Variants in FAM184A observed in about 807,000 individuals in gnomAD.
FAM184A encodes protein FAM184A.
In FAM184A, 99 loss-of-function variants were observed where a neutral mutation model predicts 143.8. That is an observed-to-expected ratio of 0.69 (90% confidence interval 0.58 to 0.81). The LOEUF is 0.81. Among genes scored for constraint, FAM184A ranks in the 40% least tolerant of loss-of-function variants. FAM184A has a pLI of 0.00. For missense variants in FAM184A, 1,217 were observed against 1,310.5 expected (o/e 0.93, Z 1.10); for synonymous variants, 427 against 446.4 (o/e 0.96, Z 0.55).
chr6:119,011,866 A>T (rs899398613), intron 5 of FAM184A, among the ~76,000 whole-genome samples: 1 of 152,242 alleles, frequency 6.6e-6, no homozygotes, highest in Middle Eastern at 3.2e-3. Flanking sequence ...GGCAAATTAA[A>T]GAGCAAAACT....
intron 9 of FAM184A, among the ~76,000 whole-genome samples, chr6:118,987,102 G>C (rs1315101809): frequency 1.3e-5 from 2 of 152,180 alleles, no homozygotes; most frequent in Non-Finnish European, 2.9e-5. Context: ...AGGAGTATCA[G>C]AATTTCACAG....
rs375192950 is a variant in FAM184A, at chr6:119,096,492, C to T, written c.-202+52586G>A. Among the ~76,000 whole-genome samples, 833 of 84,782 alleles carry T rather than the reference C, an allele frequency of 9.8e-3. 288 individuals are homozygous for T. The East Asian group carries it at 0.12, about 12-fold the overall frequency. The allele number at this position is 84,782 out of a possible 152,430, so 55.6% of individuals were successfully genotyped here. A position where few individuals can be genotyped will look rare whatever the true frequency, so the allele number is the denominator to read the frequency against. Reference sequence around the variant, plus strand: ...TCTACTAAAAATACAAAAAATTAGCCGGGCGCGGTGGCGGGCGCCTGTAGT... The same window carrying T: ...TCTACTAAAAATACAAAAAATTAGCTGGGCGCGGTGGCGGGCGCCTGTAGT... On this transcript the variant is annotated intron_variant, in intron 1 of 16. Coordinates refer to the FAM184A transcript ENST00000352896.
At chr6:118,964,526 A>C (rs797017) in intron 16 of FAM184A, 141 bp downstream of exon 16, 4 of 456,616 alleles carry the variant, frequency 8.8e-6, no homozygotes, top group Non-Finnish European at 1.6e-5. Flanking sequence ...TAAATAATTC[A>C]TAAGTTTTAG....
chr6:119,087,165 A>T (rs1417097635), intron 1 of FAM184A, among the ~76,000 whole-genome samples: 1 of 152,232 alleles, frequency 6.6e-6, no homozygotes, highest in East Asian at 1.9e-4. Flanking sequence ...GTTAAGAATT[A>T]AAATTAGGAT....
intron 5 of FAM184A, 122 bp downstream of exon 5, chr6:119,016,625 A>C: frequency 5.3e-6 from 4 of 760,412 alleles, no homozygotes; most frequent in Non-Finnish European, 8.9e-6. Context: ...TGTAACACTC[A>C]CCGCGGGGGT....
At chr6:119,051,389 G>C (rs1338909239) in intron 1 of FAM184A, among the ~76,000 whole-genome samples, 6 of 152,148 alleles carry the variant, frequency 3.9e-5, no homozygotes, top group South Asian at 4.1e-4. Context: ...AGGCTGGAGA[G>C]GGTAGTGGGG....
chr6:118,967,017 T>G, intron 14 of FAM184A, 65 bp from the exon 15 acceptor site: 1 of 737,892 alleles, frequency 1.4e-6, no homozygotes, highest in Non-Finnish European at 2.2e-6. Context: ...AATACCTACA[T>G]TAAAAAAATT....
chr6:119,054,779 G>A (rs562403871), intron 1 of FAM184A, among the ~76,000 whole-genome samples: 1 of 152,240 alleles, frequency 6.6e-6, no homozygotes, highest in East Asian at 1.9e-4. Flanking sequence ...AAAGTAGGCA[G>A]AGAAATTCAC....
At position 119,078,292 on chromosome 6, in the gene FAM184A, G is replaced by T. The variant is rs2114801925; in HGVS notation, c.8C>A (p.Thr3Asn). Reference protein sequence around the residue: MATPGMSWQQHYY... With the variant: MANPGMSWQQHYY... The stretch of plus-strand genomic sequence containing the variant: ...GTGCTGCTGCCAGCTCATGCCCGGG[G>T]TCGCCATCTTCCCAACAGACCCCAG... Residue 3 changes from threonine to asparagine, a missense_variant, in exon 1 of 18, where the codon ACC (threonine) becomes AAC (asparagine). Coordinates refer to ENST00000338891, the MANE Select transcript of FAM184A (RefSeq NM_024581.6). The surrounding 1 kb of genome is among the most constrained non-coding windows in gnomAD (Gnocchi z 5.5). The T allele has an allele frequency of 6.7e-7, 1 of 1,494,826 alleles. No homozygotes were observed. The highest frequency in any genetic ancestry group is 2.7e-5 in the East Asian group (1 of 36,978). 92.6% of individuals were successfully genotyped at this position (1,494,826 alleles called of 1,614,324 possible). A position where few individuals can be genotyped will look rare whatever the true frequency, so the allele number is the denominator to read the frequency against.
At position 118,979,377 on chromosome 6, in the gene FAM184A, T is replaced by C. The variant is rs1178255958; in HGVS notation, c.2443A>G (p.Lys815Glu). The C allele has an allele frequency of 6.2e-7, 1 of 1,610,328 alleles. No homozygotes were observed. The highest frequency in any genetic ancestry group is 2.2e-5 in the East Asian group (1 of 44,826). The change falls in exon 11 of 18, where the codon AAG becomes GAG. Residue 815 changes from lysine (K) to glutamate (E), a missense_variant. Physicochemically the swap from Lys to Glu is moderately conservative, Grantham distance 56. Transcript: ENST00000338891. ...TLRFELEDEG[K>E]AMLASLRSEL... ...CTTTTCAAAATACCAAGCATAGCCT[T>C]TCCTTCATCTTCTAATTCAAACCGA... is the stretch of plus-strand genomic sequence containing the variant.
chr6:119,006,409 T>C, intron 7 of FAM184A, 38 bp downstream of exon 7: 1 of 1,592,208 alleles, frequency 6.3e-7, no homozygotes, highest in East Asian at 2.2e-5. Flanking sequence ...TATTTTTATT[T>C]TGCCGCTGTT....
intron 1 of FAM184A, among the ~76,000 whole-genome samples, chr6:119,059,475 G>A (rs1443311233): frequency 6.6e-6 from 1 of 152,030 alleles, no homozygotes; most frequent in Admixed American, 6.5e-5. Context: ...CCACTATTAA[G>A]TTCTCCATTT....
At chr6:119,088,513 A>G (rs1166051876) in intron 1 of FAM184A, among the ~76,000 whole-genome samples, 1 of 152,162 alleles carries the variant, frequency 6.6e-6, no homozygotes, top group Non-Finnish European at 1.5e-5. Context: ...CTTTCTTCCC[A>G]TTTTGGCCAG....
At chr6:119,082,126 C>T (rs986363297), upstream of FAM184A, among the ~76,000 whole-genome samples, 1 of 152,150 alleles carries the variant, frequency 6.6e-6, no homozygotes, top group African/African-American at 2.4e-5. Context: ...GGGGTGTAGC[C>T]CTAGCCAAGG....
chr6:119,099,007 G>A (rs1324403597), intron 1 of FAM184A, among the ~76,000 whole-genome samples: 1 of 152,188 alleles, frequency 6.6e-6, no homozygotes, highest in Non-Finnish European at 1.5e-5. Flanking sequence ...CTACTTGGGA[G>A]GCCGAGGCAG....
At chr6:119,030,115 T>A (rs1291086891) in intron 1 of FAM184A, among the ~76,000 whole-genome samples, 2 of 152,172 alleles carry the variant, frequency 1.3e-5, no homozygotes, top group Non-Finnish European at 2.9e-5. Context: ...GGAAGCATAT[T>A]TTATAAAAGA....
At position 119,146,397 on chromosome 6, in the gene FAM184A, C is replaced by CGTGTGTGTGT. The variant is rs60937351; in HGVS notation, c.-202+2671_-202+2680dup. ...TTCAGTGCCTTTCCCGATTAACTTA[C>CGTGTGTGTGT]GTGTGTGTGTGTGTGTGTGTGTGTG... On this transcript the variant is annotated intron_variant, in intron 1 of 16. Transcript: ENST00000352896. 2.2e-3 allele frequency among the ~76,000 whole-genome samples: 303 copies of CGTGTGTGTGT among 136,380 alleles called. 2 individuals carry two copies. Among genetic ancestry groups the CGTGTGTGTGT allele is most frequent in the African/African-American group, 4.9e-3 (177 of 36,200 alleles). 89.5% of individuals were successfully genotyped at this position (136,380 alleles called of 152,430 possible).
chr6:118,983,417 G>A (rs1009588104), intron 9 of FAM184A, among the ~76,000 whole-genome samples: 1 of 152,010 alleles, frequency 6.6e-6, no homozygotes, highest in African/African-American at 2.4e-5. Flanking sequence ...AGGCAATTTT[G>A]GTAAGTATTT....
chr6:119,103,738 C>T (rs1788703333), intron 1 of FAM184A, among the ~76,000 whole-genome samples: 2 of 151,826 alleles, frequency 1.3e-5, no homozygotes, highest in African/African-American at 4.8e-5. Flanking sequence ...CCATCCTGGG[C>T]CAACATGGTG....
Sources: gnomAD v4.1 joint callset for allele counts (sites outside exome capture counted in the v4.1 genomes callset) on GRCh38, gnomAD v4.1.1 for gene constraint, Gnocchi (gnomAD v3.1) non-coding constraint, MANE v1.5 for transcripts, NCBI Gene and HGNC (gene_info 2026-07-23, HGNC 2026-07-21) for gene names.